PDE7B: variants seen among roughly 807,000 people sequenced by gnomAD.
PDE7B encodes the protein 3',5'-cyclic-AMP phosphodiesterase 7B.
In PDE7B, 29 loss-of-function variants were observed where a neutral mutation model predicts 56.2. The observed-to-expected ratio is 0.52, with a 90% CI of 0.38 to 0.70. The LOEUF (loss-of-function observed/expected upper bound fraction) is 0.70. Among genes scored for constraint, PDE7B ranks in the 30% least tolerant of loss-of-function variants. The pLI is 0.00. For missense variants in PDE7B, 490 were observed against 565.0 expected (o/e 0.87, Z 1.35); for synonymous variants, 197 against 196.9 (o/e 1.00, Z 0.00).
chr6:136,163,976 C>T (rs1778752188), intron 8 of PDE7B, among the ~76,000 whole-genome samples: 1 of 152,196 alleles, frequency 6.6e-6, no homozygotes, highest in Non-Finnish European at 1.5e-5. Context: ...CTTCTGAGCC[C>T]TCCAAACTGT....
At chr6:135,905,906 A>G (rs1776091434) in intron 1 of PDE7B, among the ~76,000 whole-genome samples, 2 of 152,176 alleles carry the variant, frequency 1.3e-5, no homozygotes, top group African/African-American at 4.8e-5. Context: ...TTTGAGGAGA[A>G]GCAGGACAGA....
chr6:135,995,129 G>A (rs752517370), intron 2 of PDE7B, among the ~76,000 whole-genome samples: 6 of 152,060 alleles, frequency 3.9e-5, no homozygotes, highest in Non-Finnish European at 5.9e-5. Flanking sequence ...CCTTTGGCCC[G>A]GGCCTTTGGT....
intron 2 of PDE7B, chr6:136,012,770 A>G (rs544047706): frequency 6.6e-6 from 1 of 152,362 alleles, no homozygotes; most frequent in East Asian, 1.9e-4. Context: ...GTAGTCAAAC[A>G]TATAAGGAAA....
chr6:136,147,571 T>C, intron 4 of PDE7B, 69 bp downstream of exon 4: 1 of 1,364,010 alleles, frequency 7.3e-7, no homozygotes. Flanking sequence ...CTGATAGCAC[T>C]GGTGTTGGAG....
intron 2 of PDE7B, among the ~76,000 whole-genome samples, chr6:135,980,211 A>G (rs1158796566): frequency 1.3e-5 from 2 of 152,338 alleles, no homozygotes; most frequent in Non-Finnish European, 2.9e-5. Context: ...TATTTAATAA[A>G]TGGTGCTGGG....
chr6:136,186,117 TA>T lies in PDE7B; in HGVS notation c.1046-910del, dbSNP rs11305273. On this transcript the variant is annotated intron_variant, in intron 11 of 12. Coordinates refer to ENST00000308191, the MANE Select transcript of PDE7B (RefSeq NM_018945.4). ...CCAGCCTGATAGCTGACCAAGGCAT[TA>T]AAAAAAAACATTTTGAGCTGGGTGC... 5.9e-3 allele frequency among the ~76,000 whole-genome samples: 892 copies of T among 150,150 alleles called. 4 individuals carry two copies. Among genetic ancestry groups the T allele is most frequent in the African/African-American group, 0.02 (833 of 41,036 alleles).
rs202082035 is a variant in PDE7B at position 135,978,071 on chromosome 6, C to T, written c.82+30547C>T. On this transcript the variant is annotated intron_variant, in intron 2 of 12. Transcript: ENST00000308191. ...TGCGGATACATTCTGAGAAATGCAT[C>T]ACTAGCCTATTTCATCATAGTGTAA... Among the ~76,000 whole-genome samples the T allele has an allele frequency of 9.9e-5, 15 of 152,200 alleles. No homozygotes were observed. In the East Asian group the frequency reaches 2.7e-3, roughly 27 times the overall value.
intron 2 of PDE7B, among the ~76,000 whole-genome samples, chr6:136,018,198 G>A (rs1410288921): frequency 1.3e-5 from 2 of 152,168 alleles, no homozygotes; most frequent in Non-Finnish European, 1.5e-5. Flanking sequence ...CGATTGGCAG[G>A]ATCGAGGCAG....
intron 2 of PDE7B, among the ~76,000 whole-genome samples, chr6:136,101,708 C>T (rs898174538): frequency 6.6e-6 from 1 of 152,156 alleles, no homozygotes; most frequent in African/African-American, 2.4e-5. Context: ...TTTGCTGACT[C>T]CCATACCTAA....
intron 1 of PDE7B, among the ~76,000 whole-genome samples, chr6:135,941,824 A>G (rs1025906415): frequency 6.6e-6 from 1 of 152,118 alleles, no homozygotes; most frequent in Non-Finnish European, 1.5e-5. Flanking sequence ...CTTTGGTTTT[A>G]TTTGTTTGCT....
intron 2 of PDE7B, among the ~76,000 whole-genome samples, chr6:135,963,650 T>A (rs1387209132): frequency 6.6e-6 from 1 of 152,174 alleles, no homozygotes; most frequent in Non-Finnish European, 1.5e-5. Context: ...CATCAACATG[T>A]ATTACTTTCA....
In PDE7B at chr6:135,855,749, G is replaced by A. The variant is rs80034980; in HGVS notation, c.21+3730G>A. On this transcript the variant is annotated intron_variant, in intron 1 of 12. Coordinates refer to ENST00000308191, the MANE Select transcript of PDE7B (RefSeq NM_018945.4). ...TATGGAAAGCTGGAGTCTTTAGAGAGCACTATGGGCAGCCAAGGTCCCAGC... is the reference window on the plus strand; with the variant it reads ...TATGGAAAGCTGGAGTCTTTAGAGAACACTATGGGCAGCCAAGGTCCCAGC... 5.3e-3 allele frequency among the ~76,000 whole-genome samples: 807 copies of A among 152,244 alleles called. 5 individuals are homozygous for A. The highest frequency in any genetic ancestry group is 0.018 in the African/African-American group (766 of 41,544).
chr6:136,034,990 TG>T (rs987702383), intron 2 of PDE7B: 5 of 152,116 alleles, frequency 3.3e-5, no homozygotes, highest in African/African-American at 4.8e-5. Context: ...GTTTTGACTT[TG>T]TTAGTTCTCA....
At chr6:136,091,312 G>A (rs1346981701) in intron 2 of PDE7B, among the ~76,000 whole-genome samples, 1 of 152,152 alleles carries the variant, frequency 6.6e-6, no homozygotes, top group Non-Finnish European at 1.5e-5. Flanking sequence ...CCCATACTGG[G>A]CTGAGGGGGA....
chr6:136,108,704 C>T (rs1777694492), intron 2 of PDE7B, 27 bp from the exon 3 acceptor site: 1 of 1,467,468 alleles, frequency 6.8e-7, no homozygotes, highest in East Asian at 2.3e-5. Context: ...TGTTTTCAAG[C>T]CTTTGTTTGG....
rs576264811 is a variant in PDE7B at position 135,898,190 on chromosome 6, G to GT, written c.21+46172dup. Among the ~76,000 whole-genome samples the GT allele has an allele frequency of 7.1e-3, 1,082 of 152,240 alleles. 7 individuals are homozygous for GT. Among genetic ancestry groups the GT allele is most frequent in the Non-Finnish European group, 0.012 (813 of 68,002 alleles). On this transcript the variant is annotated intron_variant, in intron 1 of 12. Transcript: ENST00000308191. ...CATTTTGTTCGCAAGGAGGAAGAAA[G>GT]TAATATGTACTAGATTAAAAACTAC... is the stretch of plus-strand genomic sequence containing the variant.
chr6:136,123,611 G>A (rs1225277575), intron 3 of PDE7B, among the ~76,000 whole-genome samples: 1 of 152,210 alleles, frequency 6.6e-6, no homozygotes, highest in Non-Finnish European at 1.5e-5. Flanking sequence ...AGGATAACCT[G>A]TTTTGAAAGA....
chr6:135,980,906 C>T (rs1365903827), intron 2 of PDE7B, among the ~76,000 whole-genome samples: 1 of 147,114 alleles, frequency 6.8e-6, no homozygotes, highest in Non-Finnish European at 1.5e-5. Context: ...ACTAGAAATA[C>T]CATTTGACCC....
At chr6:136,133,685 G>A (rs1389782453) in intron 3 of PDE7B, among the ~76,000 whole-genome samples, 3 of 152,120 alleles carry the variant, frequency 2.0e-5, no homozygotes, top group Non-Finnish European at 4.4e-5. Flanking sequence ...GTAAGACATG[G>A]TCCTAGCCTA....
Sources: gnomAD v4.1 joint callset for allele counts (sites outside exome capture counted in the v4.1 genomes callset) on GRCh38, gnomAD v4.1.1 for gene constraint, MANE v1.5 for transcripts, NCBI Gene and HGNC (gene_info 2026-07-23, HGNC 2026-07-21) for gene names.